The following TSPAN11 variants were observed in gnomAD, a reference collection of about 807,000 sequenced individuals.
The protein encoded by TSPAN11 is tetraspanin 11.
TSPAN11 carries 29 observed loss-of-function variants against 32.9 expected under a neutral mutation model. The observed-to-expected ratio is 0.88, with a 90% CI of 0.66 to 1.20. The LOEUF is 1.20. Among genes scored for constraint, TSPAN11 ranks in the 50% most tolerant of loss-of-function variants. TSPAN11 has a pLI of 0.00. For synonymous variants in TSPAN11, 140 were observed against 141.3 expected (o/e 0.99, Z 0.07); for missense variants, 283 against 329.1 (o/e 0.86, Z 1.08).
intron 1 of TSPAN11, among the ~76,000 whole-genome samples, chr12:30,932,566 T>C (rs1441572058): frequency 6.6e-6 from 1 of 151,980 alleles, no homozygotes; most frequent in African/African-American, 2.4e-5. Flanking sequence ...CTCTCGAGAG[T>C]TGATAATTCA....
chr12:30,977,321 C>T (rs1938995211), intron 3 of TSPAN11, among the ~76,000 whole-genome samples: 2 of 150,324 alleles, frequency 1.3e-5, no homozygotes, highest in Admixed American at 1.3e-4. Flanking sequence ...CGTATCCCCC[C>T]TGCCCACACT....
chr12:31,003,122 T>C, the TSPAN11 span, among the ~76,000 whole-genome samples: 1 of 152,186 alleles, frequency 6.6e-6, no homozygotes, highest in Non-Finnish European at 1.5e-5. Context: ...TCAGACCTGA[T>C]TGAACTAACT....
At chr12:31,000,787 G>A (rs1049224163), downstream of TSPAN11, among the ~76,000 whole-genome samples, 29 of 152,210 alleles carry the variant, frequency 1.9e-4, no homozygotes, top group African/African-American at 7.0e-4. Flanking sequence ...ATTACACCAT[G>A]CTGGTCTCTG....
downstream of TSPAN11, chr12:30,997,272 A>G (rs1427934777): frequency 8.5e-5 from 13 of 152,230 alleles, no homozygotes; most frequent in African/African-American, 3.1e-4. Context: ...TCTATAATAT[A>G]AAACGGTCAT....
chr12:30,998,193 T>C (rs937918115), downstream of TSPAN11, among the ~76,000 whole-genome samples: 8 of 152,256 alleles, frequency 5.3e-5, no homozygotes, highest in African/African-American at 1.9e-4. Flanking sequence ...GCAGTGCTGT[T>C]ACTGGCTTAC....
chr12:30,935,373 GTTT>G lies in TSPAN11; in HGVS notation c.-12+8601_-12+8603del, dbSNP rs35076467. ...GAGTATGTTAGCCAATGCTTTGTGGGTTTTTTTTTTTTTTTTTTTTTTTTTTGG... is the reference window on the plus strand; with the variant it reads ...GAGTATGTTAGCCAATGCTTTGTGGGTTTTTTTTTTTTTTTTTTTTTTTGG... On this transcript the variant is annotated intron_variant, in intron 1 of 7. Transcript: ENST00000546076. Among the ~76,000 whole-genome samples the G allele has an allele frequency of 1.2e-4, 14 of 120,914 alleles. 1 individual carries two copies. The highest frequency in any genetic ancestry group is 2.6e-4 in the South Asian group (1 of 3,866). The allele number at this position is 120,914 out of a possible 152,430, so 79.3% of individuals were successfully genotyped here.
chr12:30,989,048 G>T (rs1939260030), intron 7 of TSPAN11, among the ~76,000 whole-genome samples: 1 of 152,260 alleles, frequency 6.6e-6, no homozygotes, highest in Non-Finnish European at 1.5e-5. Context: ...GGCCGGCAGA[G>T]GAGGCTGTGT....
the TSPAN11 span, among the ~76,000 whole-genome samples, chr12:31,016,009 C>G: frequency 6.6e-6 from 1 of 152,092 alleles, no homozygotes; most frequent in Non-Finnish European, 1.5e-5. Flanking sequence ...TTCCTACCTG[C>G]CTTTAAAAAT....
At position 30,994,539 on chromosome 12, in the gene TSPAN11, C is replaced by T. The variant is rs958751649; in HGVS notation, c.*2624C>T. The T allele has an allele frequency of 2.6e-5, 4 of 152,320 alleles. No homozygotes were observed. The highest frequency in any genetic ancestry group is 2.1e-4 in the South Asian group (1 of 4,812). 9.4% of individuals were successfully genotyped at this position (152,320 alleles called of 1,614,324 possible). On this transcript the variant is annotated 3_prime_UTR_variant, in exon 8 of 8. Coordinates refer to ENST00000546076, the MANE Select transcript of TSPAN11 (RefSeq NM_001370302.1). ...AGACACCAAGAGAAGGGCGCGTCCC[C>T]GAGTCCCCTGGGTGACCTGTGTCAG...
At chr12:30,978,761 C>G (rs907967021) in intron 4 of TSPAN11, 126 bp downstream of exon 4, 1 of 874,538 alleles carries the variant, frequency 1.1e-6, no homozygotes, top group Non-Finnish European at 1.9e-6. Flanking sequence ...TCCCAGGCCC[C>G]GGCAATCCCC....
chr12:30,950,398 C>T (rs188808260), intron 1 of TSPAN11, among the ~76,000 whole-genome samples: 3 of 152,264 alleles, frequency 2.0e-5, no homozygotes, highest in Non-Finnish European at 2.9e-5. Flanking sequence ...GACAATAGTA[C>T]GTGAATAATA....
chr12:30,991,894 G>A lies in TSPAN11; in HGVS notation c.741G>A (p.Arg247=), dbSNP rs761265570. 9.3e-6 allele frequency: 15 copies of A among 1,614,024 alleles called. No homozygotes were observed. Among genetic ancestry groups the A allele is most frequent in the African/African-American group, 1.3e-5 (1 of 74,894 alleles). ...TTCTCACCTGCTGCTTGCACCAGAG[G>A]CTCCAGCGGCATTTTTACTAATGGC... The part of the protein sequence containing the change: ...GMVLTCCLHQ[R]LQRHFY The change falls in exon 8 of 8, where the codon AGG becomes AGA. Residue 247 remains arginine (R), a synonymous_variant. Coordinates refer to ENST00000546076, the MANE Select transcript of TSPAN11 (RefSeq NM_001370302.1).
chr12:30,940,351 A>C (rs970154948), intron 1 of TSPAN11, among the ~76,000 whole-genome samples: 2 of 152,134 alleles, frequency 1.3e-5, no homozygotes, highest in Non-Finnish European at 2.9e-5. Context: ...CCCATACATC[A>C]GGTACTCTGT....
intron 3 of TSPAN11, among the ~76,000 whole-genome samples, chr12:30,976,027 TG>T (rs1299497898): frequency 6.6e-6 from 1 of 152,156 alleles, no homozygotes; most frequent in Non-Finnish European, 1.5e-5. Flanking sequence ...CAGCAGCGCA[TG>T]GCAGGGGAGA....
intron 1 of TSPAN11, among the ~76,000 whole-genome samples, chr12:30,937,282 T>C (rs1938065686): frequency 6.6e-6 from 1 of 151,990 alleles, no homozygotes; most frequent in African/African-American, 2.4e-5. Flanking sequence ...GGAAACAGGA[T>C]CTAGGAAAAT....
intron 7 of TSPAN11, among the ~76,000 whole-genome samples, chr12:30,985,353 T>C (rs1939180061): frequency 6.6e-6 from 1 of 152,072 alleles, no homozygotes; most frequent in African/African-American, 2.4e-5. Flanking sequence ...ATGATACCCA[T>C]CATTTTTATG....
At chr12:30,957,409 G>C (rs181085222) in intron 2 of TSPAN11, among the ~76,000 whole-genome samples, 2 of 152,120 alleles carry the variant, frequency 1.3e-5, no homozygotes, top group Non-Finnish European at 2.9e-5. Flanking sequence ...CAGGACTCTA[G>C]GCCTGCTGTA....
chr12:30,990,213 C>T (rs1049666796), intron 7 of TSPAN11, among the ~76,000 whole-genome samples: 1 of 152,192 alleles, frequency 6.6e-6, no homozygotes, highest in Non-Finnish European at 1.5e-5. Flanking sequence ...ACCTCTGCCC[C>T]TTACTGTGCC....
the TSPAN11 span, among the ~76,000 whole-genome samples, chr12:31,002,142 T>G: frequency 2.6e-5 from 4 of 152,216 alleles, no homozygotes; most frequent in African/African-American, 9.6e-5. This position sits in a 1 kb window ranked among gnomAD's most constrained non-coding sequence, Gnocchi z 4.8. Context: ...GGGACCTTGC[T>G]CCAGTGGGAC....
Sources: allele counts gnomAD v4.1 joint callset (sites outside exome capture counted in the v4.1 genomes callset), GRCh38; gene constraint gnomAD v4.1.1; non-coding constraint Gnocchi (gnomAD v3.1); transcripts MANE v1.5; gene names NCBI Gene and HGNC (gene_info 2026-07-23, HGNC 2026-07-21).